ZBTB40: variants seen among roughly 807,000 people sequenced by gnomAD.
ZBTB40 encodes zinc finger and BTB domain-containing protein 40.
A neutral mutation model predicts 117.5 loss-of-function variants in ZBTB40; 60 were observed. The ratio of observed to expected loss-of-function variants is 0.51; its 90% CI spans 0.41 to 0.63. The LOEUF is 0.63. Ranked by LOEUF, ZBTB40 falls within the 30% of genes least tolerant of loss-of-function variation. The pLI is 0.00. For synonymous variants in ZBTB40, 525 were observed against 577.1 expected, an observed-to-expected ratio of 0.91 and a Z score of 1.29; for missense variants, 1,287 against 1,498.5, an observed-to-expected ratio of 0.86 and a Z score of 2.33.
At position 22,511,787 on chromosome 1, in the gene ZBTB40, C is replaced by T; in HGVS notation, c.2114C>T (p.Pro705Leu). The change falls in exon 11 of 18, where the codon CCT becomes CTT. Residue 705 changes from proline (P) to leucine (L), a missense_variant. Around this residue, in one of 2 missense-constraint regions of ZBTB40, gnomAD observed 870 missense variants for 934.4 expected, o/e 0.93. Coordinates refer to ENST00000375647, the MANE Select transcript of ZBTB40 (RefSeq NM_014870.4). ...AAGGCAGCCAAAGAAGACAGCCAGC[C>T]TGGGGAACAGAATGATCAAGGAGAG... ...DEKAAKEDSQ[P>L]GEQNDQGETG... The T allele has an allele frequency of 6.2e-7, 1 of 1,612,516 alleles. No homozygotes were observed.
At chr1:22,435,195 C>T (rs1444594098) in intron 1 of ZBTB40, among the ~76,000 whole-genome samples, 1 of 151,980 alleles carries the variant, frequency 6.6e-6, no homozygotes, top group Non-Finnish European at 1.5e-5. Flanking sequence ...GAGATTGGGT[C>T]TCACTATGTT....
In ZBTB40 at chr1:22,486,749, T is replaced by G. The variant is rs926328107; in HGVS notation, c.-69-3131T>G. 3.6e-5 allele frequency among the ~76,000 whole-genome samples: 5 copies of G among 139,780 alleles called. No homozygotes were observed. In the East Asian group the frequency reaches 1.1e-3, roughly 32 times the overall value. 91.7% of individuals were successfully genotyped at this position (139,780 alleles called of 152,430 possible). ...TTTGTTTTGTTTTGTTTTGTTTTGT[T>G]TTTTGAGACGGAGTCTCCCTCTGTT... On this transcript the variant is annotated intron_variant, in intron 1 of 17. Transcript: ENST00000375647.
chr1:22,489,280 A>T (rs1283670756), intron 1 of ZBTB40, among the ~76,000 whole-genome samples: 1 of 152,162 alleles, frequency 6.6e-6, no homozygotes, highest in Non-Finnish European at 1.5e-5. Flanking sequence ...GTCCTCGAGC[A>T]CTCCAAGCTT....
At chr1:22,504,067 A>G (rs752030494) in intron 5 of ZBTB40, among the ~76,000 whole-genome samples, 1 of 152,212 alleles carries the variant, frequency 6.6e-6, no homozygotes, top group Admixed American at 6.5e-5. Flanking sequence ...TCACAAAAAC[A>G]CTTCTTAAGA....
chr1:22,502,540 A>C (rs191821322), intron 5 of ZBTB40, 99 bp downstream of exon 5: 2 of 1,467,468 alleles, frequency 1.4e-6, no homozygotes, highest in African/African-American at 1.4e-5. Context: ...CAGTATTTTA[A>C]TACATACTGC....
chr1:22,439,941 G>A (rs1047214886), intron 1 of ZBTB40, among the ~76,000 whole-genome samples: 8 of 152,116 alleles, frequency 5.3e-5, no homozygotes, highest in Admixed American at 1.3e-4. Context: ...GCAATACTAA[G>A]CCTTCCAATC....
At chr1:22,487,166 C>T (rs762433484) in intron 1 of ZBTB40, among the ~76,000 whole-genome samples, 8 of 152,110 alleles carry the variant, frequency 5.3e-5, no homozygotes, top group Non-Finnish European at 8.8e-5. Context: ...TCAGTTTGTT[C>T]AGTCTGTTTG....
Position 22,501,549 on chromosome 1 carries a change from G to C in ZBTB40, c.889G>C (p.Gly297Arg), listed in dbSNP as rs1213269507. Residue 297 changes from glycine to arginine, a missense_variant, in exon 4 of 18, where the codon GGT becomes CGT. By Grantham distance (125) the Gly-to-Arg change is moderately radical. This residue lies in a region of ZBTB40 where 870 missense variants were observed against 934.4 expected (regional missense o/e 0.93). Transcript: ENST00000375647. ...GGHSAFQRIL[G>R]KVREESLDVQ... is the part of the protein sequence containing the mutation. ...ACATTCAGCATTCCAGAGAATCCTGGGTAAAGTAAGAGAGGAAAGCCTGGA... is the reference window on the plus strand; with the variant it reads ...ACATTCAGCATTCCAGAGAATCCTGCGTAAAGTAAGAGAGGAAAGCCTGGA... 1.9e-6 allele frequency: 3 copies of C among 1,614,160 alleles called. No individual in the cohort carries two copies. In the South Asian group the frequency reaches 3.3e-5, roughly 18 times the overall value.
At chr1:22,498,300 T>C (rs901244839) in intron 3 of ZBTB40, among the ~76,000 whole-genome samples, 1 of 152,210 alleles carries the variant, frequency 6.6e-6, no homozygotes, top group African/African-American at 2.4e-5. Context: ...TGTTACATGA[T>C]AGTAATTGAT....
intron 8 of ZBTB40, 47 bp downstream of exon 8, chr1:22,508,778 C>G: frequency 1.3e-6 from 2 of 1,572,828 alleles, no homozygotes; most frequent in Non-Finnish European, 1.7e-6. Context: ...CTAGAGATGA[C>G]TGTCAGTCTT....
chr1:22,461,600 G>A (rs892634749), intron 1 of ZBTB40, among the ~76,000 whole-genome samples: 3 of 152,148 alleles, frequency 2.0e-5, no homozygotes, highest in South Asian at 2.1e-4. Context: ...AGGAGGAGAC[G>A]AGAAAGGAGT....
intron 1 of ZBTB40, among the ~76,000 whole-genome samples, chr1:22,455,457 A>G (rs892216551): frequency 2.0e-5 from 3 of 152,218 alleles, no homozygotes; most frequent in Non-Finnish European, 4.4e-5. Context: ...CCTAGTAACC[A>G]TATTGCACAT....
intron 12 of ZBTB40, among the ~76,000 whole-genome samples, chr1:22,515,090 C>A (rs966806124): frequency 6.6e-6 from 1 of 152,120 alleles, no homozygotes; most frequent in Non-Finnish European, 1.5e-5. Flanking sequence ...TCAGAGAAGG[C>A]CTCTGCAAGA....
At position 22,490,304 on chromosome 1, in the gene ZBTB40, G is replaced by T. The variant is rs767461861; in HGVS notation, c.356G>T (p.Cys119Phe). Residue 119 changes from cysteine (C) to phenylalanine (F), a missense_variant, in exon 2 of 18, where the codon TGC becomes TTC. By Grantham distance (205) the Cys-to-Phe change is radical. This residue lies in a region of ZBTB40 where 870 missense variants were observed against 934.4 expected (regional missense o/e 0.93). Coordinates refer to ENST00000375647, the MANE Select transcript of ZBTB40 (RefSeq NM_014870.4). ...CKNLLTSLVN[C>F]SVQGQVVRDV... Reference sequence around the variant, plus strand: ...AATCTTCTGACCAGCCTTGTAAACTGCTCGGTTCAGGGTCAGGTGGTAAGG... The same window carrying T: ...AATCTTCTGACCAGCCTTGTAAACTTCTCGGTTCAGGGTCAGGTGGTAAGG... The T allele has an allele frequency of 5.6e-6, 9 of 1,614,162 alleles. No individual in the cohort carries two copies. The highest frequency in any genetic ancestry group is 7.6e-6 in the Non-Finnish European group (9 of 1,180,030).
At chr1:22,483,168 A>G (rs2124420863) in intron 1 of ZBTB40, among the ~76,000 whole-genome samples, 1 of 151,140 alleles carries the variant, frequency 6.6e-6, no homozygotes, top group South Asian at 2.1e-4. Flanking sequence ...TTTTTAGTCC[A>G]TTGTCTGGAT....
chr1:22,476,762 C>A (rs923626067), intron 1 of ZBTB40, among the ~76,000 whole-genome samples: 1 of 152,158 alleles, frequency 6.6e-6, no homozygotes, highest in Non-Finnish European at 1.5e-5. Context: ...GAACATTCAT[C>A]TTTCTGGTAC....
chr1:22,464,026 G>T (rs1482674129), intron 1 of ZBTB40, among the ~76,000 whole-genome samples: 1 of 152,220 alleles, frequency 6.6e-6, no homozygotes, highest in Admixed American at 6.5e-5. Flanking sequence ...GATGATAGTG[G>T]TGGGGCAGTG....
chr1:22,484,366 A>G (rs887361056), intron 1 of ZBTB40, among the ~76,000 whole-genome samples: 1 of 152,080 alleles, frequency 6.6e-6, no homozygotes, highest in Non-Finnish European at 1.5e-5. Flanking sequence ...TCTTGTACAT[A>G]TTTTGTTAGA....
intron 15 of ZBTB40, among the ~76,000 whole-genome samples, chr1:22,522,108 A>G (rs964681420): frequency 7.9e-5 from 12 of 152,218 alleles, no homozygotes; most frequent in African/African-American, 1.2e-4. Context: ...AGTGTTTCCT[A>G]TGTGCAAGAC....
Sources: allele counts gnomAD v4.1 joint callset (sites outside exome capture counted in the v4.1 genomes callset), GRCh38; gene constraint gnomAD v4.1.1; regional missense constraint gnomAD v4.1.1; transcripts MANE v1.5; gene names NCBI Gene and HGNC (gene_info 2026-07-23, HGNC 2026-07-21).